CREB1: variants seen among roughly 807,000 people sequenced by gnomAD.
CREB1 encodes cyclic AMP-responsive element-binding protein 1.
CREB1 carries 2 observed loss-of-function variants against 42.0 expected under a neutral mutation model. The observed-to-expected ratio is 0.05, with a 90% CI of 0.02 to 0.15. The LOEUF (loss-of-function observed/expected upper bound fraction) is 0.15, where lower values mean the gene tolerates loss of function less well. CREB1 is among the 10% of genes least tolerant of loss of function. The pLI is 1.00. For missense variants in CREB1, 199 were observed against 388.9 expected, an observed-to-expected ratio of 0.51 and a Z score of 4.11; for synonymous variants, 123 against 139.9, an observed-to-expected ratio of 0.88 and a Z score of 0.85.
intron 3 of CREB1, chr2:207,561,191 C>A (rs1445200893): frequency 2.6e-6 from 4 of 1,559,166 alleles, no homozygotes; most frequent in African/African-American, 2.7e-5. Flanking sequence ...TTGGAGAGAA[C>A]TATTATTAGA....
chr2:207,565,959 T>C (rs2082125532), intron 3 of CREB1, among the ~76,000 whole-genome samples: 1 of 152,218 alleles, frequency 6.6e-6, no homozygotes, highest in African/African-American at 2.4e-5. Flanking sequence ...CTTTTCTGTG[T>C]GCTTCTTTGG....
At chr2:207,551,020 A>G (rs766849351) in intron 1 of CREB1, among the ~76,000 whole-genome samples, 35 of 152,170 alleles carry the variant, frequency 2.3e-4, no homozygotes, top group Admixed American at 1.8e-3. Flanking sequence ...TTTCTATGCA[A>G]AGTCTCTTAT....
chr2:207,571,601 G>A, intron 5 of CREB1: 5 of 240,824 alleles, frequency 2.1e-5, no homozygotes, highest in South Asian at 2.0e-4. Context: ...CAGATATAAA[G>A]TACAACTCTT....
At chr2:207,592,884 G>C (rs936692671) in intron 7 of CREB1, among the ~76,000 whole-genome samples, 2 of 75,134 alleles carry the variant, frequency 2.7e-5, no homozygotes, top group African/African-American at 5.2e-5. Context: ...CTGCACTCCA[G>C]CCTGGCGACA....
At chr2:207,551,030 T>C (rs1214352971) in intron 1 of CREB1, among the ~76,000 whole-genome samples, 1 of 152,220 alleles carries the variant, frequency 6.6e-6, no homozygotes, top group Non-Finnish European at 1.5e-5. Context: ...AAGTCTCTTA[T>C]CAGCCACTAC....
At chr2:207,588,084 CTAAAAA>C (rs1234025279) in intron 7 of CREB1, among the ~76,000 whole-genome samples, 1 of 151,952 alleles carries the variant, frequency 6.6e-6, no homozygotes, top group African/African-American at 2.4e-5. Flanking sequence ...TTTATGTCAA[CTAAAAA>C]TAAAAAGGAA....
intron 1 of CREB1, among the ~76,000 whole-genome samples, chr2:207,538,381 A>G (rs1202113244): frequency 6.6e-6 from 1 of 152,168 alleles, no homozygotes; most frequent in Non-Finnish European, 1.5e-5. Context: ...AGCTAGGTAC[A>G]TAATCTCAAC....
In CREB1 at chr2:207,577,670, T is replaced by C; in HGVS notation, c.839+15T>C. On this transcript the variant is annotated intron_variant, in intron 7 of 7. Transcript: ENST00000353267. ...ATGAAGAACAGGTACAAATACTGCATTTACTTAGATTGTTATGTGTTAAGT... is the reference window on the plus strand; with the variant it reads ...ATGAAGAACAGGTACAAATACTGCACTTACTTAGATTGTTATGTGTTAAGT... The C allele has an allele frequency of 6.2e-7, 1 of 1,613,302 alleles. No homozygotes were observed. The highest frequency in any genetic ancestry group is 1.1e-5 in the South Asian group (1 of 91,020).
rs528261436 is a variant in CREB1 at position 207,605,110 on chromosome 2, T to C, written c.*8052T>C. On this transcript the variant is annotated 3_prime_UTR_variant, in exon 8 of 8. Transcript: ENST00000353267. ...CTGGGAGTGGAGTTGCTGGGTCATG[T>C]TGAAATCGCACATTTAACTTTTTGA... is the stretch of plus-strand genomic sequence containing the variant. Among the ~76,000 whole-genome samples, 7 of 152,320 alleles carry C rather than the reference T, an allele frequency of 4.6e-5. No individual in the cohort carries two copies. In the South Asian group the frequency reaches 1.2e-3, roughly 27 times the overall value.
intron 4 of CREB1, 85 bp from the exon 5 acceptor site, chr2:207,570,094 G>T: frequency 1.2e-6 from 1 of 838,532 alleles, no homozygotes; most frequent in Non-Finnish European, 1.8e-6. Context: ...AGCTTTCTGT[G>T]AGTTTTCTCA....
intron 7 of CREB1, chr2:207,581,009 T>C (rs1367265025): frequency 4.6e-6 from 1 of 218,278 alleles, no homozygotes; most frequent in Non-Finnish European, 9.2e-6. Context: ...CTACAGGAAG[T>C]GGAGAGTGAA....
At chr2:207,579,711 C>T (rs2106595782) in intron 7 of CREB1, among the ~76,000 whole-genome samples, 1 of 152,284 alleles carries the variant, frequency 6.6e-6, no homozygotes, top group South Asian at 2.1e-4. Context: ...TGCCATAGTT[C>T]CTTTTCCCCT....
At position 207,560,249 on chromosome 2, in the gene CREB1, A is replaced by G. The variant is rs747074812; in HGVS notation, c.138A>G (p.Ala46=). The change falls in exon 3 of 8, where the codon GCA becomes GCG. Residue 46 remains alanine, a synonymous_variant. Coordinates refer to ENST00000353267, the MANE Select transcript of CREB1 (RefSeq NM_004379.5). ...AGGTATCTATGCCAGCAGCTCATGC[A>G]ACATCATCTGCTCCCACCGTAACTC... is the stretch of plus-strand genomic sequence containing the variant. ...LAQVSMPAAH[A]TSSAPTVTLV... is the part of the protein sequence containing the mutation. The G allele has an allele frequency of 1.1e-5, 18 of 1,611,818 alleles. No individual in the cohort carries two copies. The South Asian group carries it at 1.6e-4, about 15-fold the overall frequency.
At chr2:207,549,197 T>C (rs981619903) in intron 1 of CREB1, among the ~76,000 whole-genome samples, 2 of 152,112 alleles carry the variant, frequency 1.3e-5, no homozygotes, top group Non-Finnish European at 2.9e-5. Context: ...TGTTGAGGAG[T>C]GTGTGTACAT....
Position 207,555,164 on chromosome 2 carries a change from T to TC in CREB1, c.-8-463dup, listed in dbSNP as rs201425090. ...TAGCTTACAATTGCTGTTTCTTCCT[T>TC]CTTATGGGGGGAAATACCCTTATAG... On this transcript the variant is annotated intron_variant, in intron 1 of 7. Coordinates refer to ENST00000353267, the MANE Select transcript of CREB1 (RefSeq NM_004379.5). Among the ~76,000 whole-genome samples the TC allele has an allele frequency of 8.5e-4, 130 of 152,314 alleles. 4 individuals carry two copies. The East Asian group carries it at 0.021, about 24-fold the overall frequency.
chr2:207,574,100 G>A (rs888715289), intron 5 of CREB1, among the ~76,000 whole-genome samples: 1 of 152,154 alleles, frequency 6.6e-6, no homozygotes, highest in Non-Finnish European at 1.5e-5. Flanking sequence ...TAATCACACT[G>A]TAGCCATTAA....
At chr2:207,535,734 C>G (rs548099519) in intron 1 of CREB1, among the ~76,000 whole-genome samples, 2 of 151,850 alleles carry the variant, frequency 1.3e-5, no homozygotes, top group East Asian at 3.9e-4. Flanking sequence ...GCACAAAATG[C>G]GTTTCACTAC....
At position 207,603,869 on chromosome 2, in the gene CREB1, A is replaced by C. The variant is rs941814964; in HGVS notation, c.*6811A>C. Reference sequence around the variant, plus strand: ...TGTAAGAATAAAAAAGTTATCTCCTATACTATTAACTTCTGAAATAAGTTC... The same window carrying C: ...TGTAAGAATAAAAAAGTTATCTCCTCTACTATTAACTTCTGAAATAAGTTC... On this transcript the variant is annotated 3_prime_UTR_variant, in exon 8 of 8. Coordinates refer to ENST00000353267, the MANE Select transcript of CREB1 (RefSeq NM_004379.5). 6.6e-6 allele frequency among the ~76,000 whole-genome samples: 1 copy of C among 152,198 alleles called. No homozygotes were observed. Among genetic ancestry groups the C allele is most frequent in the Admixed American group, 6.5e-5 (1 of 15,276 alleles).
At chr2:207,557,086 T>G (rs1314307479) in intron 2 of CREB1, among the ~76,000 whole-genome samples, 1 of 151,722 alleles carries the variant, frequency 6.6e-6, no homozygotes, top group Non-Finnish European at 1.5e-5. Context: ...TGCAGTGAAC[T>G]GAGATTGCGC....
Sources: allele counts gnomAD v4.1 joint callset (sites outside exome capture counted in the v4.1 genomes callset), GRCh38; gene constraint gnomAD v4.1.1; transcripts MANE v1.5; gene names NCBI Gene and HGNC (gene_info 2026-07-23, HGNC 2026-07-21).